DAB1: variants seen among roughly 807,000 people sequenced by gnomAD.
DAB1 encodes the protein DAB adaptor protein 1.
DAB1 carries 15 observed loss-of-function variants against 64.6 expected under a neutral mutation model. The ratio of observed to expected loss-of-function variants is 0.23; its 90% CI spans 0.16 to 0.36. The LOEUF (loss-of-function observed/expected upper bound fraction) is 0.36. Ranked by LOEUF, DAB1 falls within the 10% of genes least tolerant of loss-of-function variation. DAB1 has a pLI of 1.00. For missense variants in DAB1, 596 were observed against 706.7 expected, an observed-to-expected ratio of 0.84 and a Z score of 1.78; for synonymous variants, 235 against 251.9, an observed-to-expected ratio of 0.93 and a Z score of 0.64.
rs554169359 is a variant in DAB1, at chr1:57,151,963, G to A, written c.68-6534C>T. Reference sequence around the variant, plus strand: ...TGGGTAGCTGGGGTTACAGGTGCCCGCCACCATGCCCGGCTGATTTTTGTA... The same window carrying A: ...TGGGTAGCTGGGGTTACAGGTGCCCACCACCATGCCCGGCTGATTTTTGTA... On this transcript the variant is annotated intron_variant, in intron 2 of 14. Transcript: ENST00000371236. Among the ~76,000 whole-genome samples the A allele has an allele frequency of 4.6e-5, 7 of 151,922 alleles. No individual in the cohort carries two copies. The South Asian group carries it at 1.3e-3, about 27-fold the overall frequency.
chr1:58,202,655 T>C lies in DAB1; in HGVS notation n.310-52067A>G, dbSNP rs1000711427. Among the ~76,000 whole-genome samples, 9 of 152,210 alleles carry C rather than the reference T, an allele frequency of 5.9e-5. No homozygotes were observed. The East Asian group carries it at 7.7e-4, about 13-fold the overall frequency. Reference sequence around the variant, plus strand: ...ATGGACGTGAATGTGTTCTGTAAAATAGAAAACACTACACAGGCATTAGAA... The same window carrying C: ...ATGGACGTGAATGTGTTCTGTAAAACAGAAAACACTACACAGGCATTAGAA... On this transcript the variant is annotated intron_variant and non_coding_transcript_variant, in intron 4 of 20. Coordinates refer to the DAB1 transcript ENST00000485760.
At chr1:57,362,761 C>T (rs11207018) in intron 1 of DAB1, among the ~76,000 whole-genome samples, 75,874 of 151,906 alleles carry the variant, frequency 0.5, 19,648 homozygotes, top group African/African-American at 0.55. Flanking sequence ...CAGTTTATGG[C>T]ATTTTGTCAT....
At chr1:58,433,658 G>C (rs80296634) in intron 3 of DAB1, among the ~76,000 whole-genome samples, 18 of 148,420 alleles carry the variant, frequency 1.2e-4, no homozygotes, top group East Asian at 4.2e-4. Context: ...TGTGTGGAGG[G>C]GGGGAGGCGG....
intron 3 of DAB1, among the ~76,000 whole-genome samples, chr1:58,425,772 G>C (rs188405454): frequency 1.3e-5 from 2 of 152,042 alleles, no homozygotes; most frequent in African/African-American, 4.8e-5. Context: ...TCAAAGGCCT[G>C]GTCAACACAG....
At chr1:57,931,200 C>T (rs865836714) in intron 5 of DAB1, among the ~76,000 whole-genome samples, 4 of 152,246 alleles carry the variant, frequency 2.6e-5, no homozygotes, top group Middle Eastern at 3.4e-3. Flanking sequence ...TAGGATAAAT[C>T]TTACTTGATT....
intron 1 of DAB1, among the ~76,000 whole-genome samples, chr1:57,305,501 T>C (rs1172903673): frequency 2.6e-5 from 4 of 152,072 alleles, no homozygotes; most frequent in African/African-American, 7.2e-5. Context: ...AGCAGGAGAA[T>C]AGGGCAGAGA....
chr1:57,921,909 T>A (rs1644813134), intron 5 of DAB1, among the ~76,000 whole-genome samples: 1 of 152,218 alleles, frequency 6.6e-6, no homozygotes, highest in Non-Finnish European at 1.5e-5. Flanking sequence ...TCTTGATCTT[T>A]CTGCTCCAGC....
intron 3 of DAB1, among the ~76,000 whole-genome samples, chr1:58,469,868 G>A (rs189259709): frequency 9.9e-5 from 15 of 152,114 alleles, no homozygotes; most frequent in African/African-American, 3.4e-4. Flanking sequence ...AGGACTTAGA[G>A]AATTTTTAAA....
chr1:57,091,696 G>T (rs1653695268), intron 4 of DAB1, among the ~76,000 whole-genome samples: 1 of 152,152 alleles, frequency 6.6e-6, no homozygotes, highest in South Asian at 2.1e-4. Flanking sequence ...CTTTGCTAAA[G>T]ATTTATCTTT....
intron 2 of DAB1, among the ~76,000 whole-genome samples, chr1:57,226,969 G>A (rs1667313259): frequency 6.6e-6 from 1 of 151,552 alleles, no homozygotes; most frequent in African/African-American, 2.4e-5. Context: ...CTTGAGCCCA[G>A]GAGTTCAAGA....
At chr1:58,200,290 G>C (rs188375586) in intron 4 of DAB1, among the ~76,000 whole-genome samples, 7 of 152,228 alleles carry the variant, frequency 4.6e-5, no homozygotes, top group African/African-American at 1.4e-4. Context: ...ACTTGCCCAA[G>C]GTCACCCAGA....
chr1:57,517,960 C>A (rs1644482084), intron 7 of DAB1, among the ~76,000 whole-genome samples: 1 of 152,182 alleles, frequency 6.6e-6, no homozygotes, highest in Non-Finnish European at 1.5e-5. Flanking sequence ...TCTAGTAGCA[C>A]CCAGCCTCTG....
At chr1:58,168,326 T>C (rs1557679850) in intron 4 of DAB1, among the ~76,000 whole-genome samples, 1 of 152,146 alleles carries the variant, frequency 6.6e-6, no homozygotes, top group Non-Finnish European at 1.5e-5. Context: ...AACAACAAGC[T>C]GGTTGACCCT....
chr1:58,168,334 C>T (rs1269389315), intron 4 of DAB1, among the ~76,000 whole-genome samples: 2 of 152,116 alleles, frequency 1.3e-5, no homozygotes, highest in Non-Finnish European at 2.9e-5. Flanking sequence ...GCTGGTTGAC[C>T]CTGTGGCCAT....
chr1:57,724,357 A>T (rs1466661780), intron 6 of DAB1, among the ~76,000 whole-genome samples: 1 of 65,818 alleles, frequency 1.5e-5, no homozygotes, highest in Non-Finnish European at 3.0e-5. Flanking sequence ...AGGGGAAGGG[A>T]GGGAAGGGAG....
At chr1:58,008,147 C>T (rs1646613729) in intron 5 of DAB1, among the ~76,000 whole-genome samples, 1 of 152,112 alleles carries the variant, frequency 6.6e-6, no homozygotes, top group African/African-American at 2.4e-5. Context: ...ATAGAGATTA[C>T]TTCCATTTAT....
At chr1:57,333,536 A>G (rs143994623) in intron 1 of DAB1, among the ~76,000 whole-genome samples, 72 of 152,336 alleles carry the variant, frequency 4.7e-4, no homozygotes, top group Non-Finnish European at 6.9e-4. Flanking sequence ...TGCTTGCAAT[A>G]GCACAGTGCT....
chr1:58,329,013 T>C (rs1407163241), intron 4 of DAB1, among the ~76,000 whole-genome samples: 2 of 152,234 alleles, frequency 1.3e-5, no homozygotes, highest in African/African-American at 2.4e-5. Flanking sequence ...ATAAGTAGTG[T>C]TGTATGTGCT....
intron 2 of DAB1, among the ~76,000 whole-genome samples, chr1:57,258,965 T>A (rs1669973887): frequency 6.6e-6 from 1 of 152,124 alleles, no homozygotes. Context: ...CATTTTCTCA[T>A]GCAACAAAAA....
Sources: allele counts gnomAD v4.1 joint callset (sites outside exome capture counted in the v4.1 genomes callset), GRCh38; gene constraint gnomAD v4.1.1; transcripts MANE v1.5; gene names NCBI Gene and HGNC (gene_info 2026-07-23, HGNC 2026-07-21).